BACE2: variants seen among roughly 807,000 people sequenced by gnomAD.
The protein encoded by BACE2 is beta-secretase 2.
Under a neutral mutation model 46.2 loss-of-function variants are expected in BACE2, and 17 were observed. The observed-to-expected ratio is 0.37, with a 90% CI of 0.25 to 0.55. The LOEUF (loss-of-function observed/expected upper bound fraction) is 0.55, where lower values mean the gene tolerates loss of function less well. Ranked by LOEUF, BACE2 falls within the 20% of genes least tolerant of loss-of-function variation. BACE2 has a pLI of 0.82. For synonymous variants in BACE2, 277 were observed against 295.9 expected, an observed-to-expected ratio of 0.94 and a Z score of 0.66; for missense variants, 595 against 698.1, an observed-to-expected ratio of 0.85 and a Z score of 1.66.
chr21:41,254,028 AC>A (rs1259880739), intron 7 of BACE2, among the ~76,000 whole-genome samples: 2 of 152,182 alleles, frequency 1.3e-5, no homozygotes, highest in African/African-American at 2.4e-5. Context: ...AGCCTTTCTA[AC>A]ACCAGGGGAA....
chr21:41,168,584 C>T lies in BACE2; in HGVS notation c.312+9C>T. The stretch of plus-strand genomic sequence containing the variant: ...GGACCCCCCCGCAGAAGGTAGGGAC[C>T]CCCGGCTGCTGCCGCGGGCTTTTCG... On this transcript the variant is annotated intron_variant, in intron 1 of 8. Coordinates refer to ENST00000330333, the MANE Select transcript of BACE2 (RefSeq NM_012105.5). 1.5e-6 allele frequency: 2 copies of T among 1,316,160 alleles called. No individual in the cohort carries two copies. 81.5% of individuals were successfully genotyped at this position (1,316,160 alleles called of 1,614,324 possible).
intron 8 of BACE2, among the ~76,000 whole-genome samples, chr21:41,270,900 A>G (rs1408823608): frequency 1.3e-5 from 2 of 152,198 alleles, no homozygotes; most frequent in Non-Finnish European, 2.9e-5. Flanking sequence ...AGAAACGGAT[A>G]TTGGAATCTC....
At chr21:41,210,279 GT>G (rs1405686057) in intron 1 of BACE2, among the ~76,000 whole-genome samples, 1 of 151,930 alleles carries the variant, frequency 6.6e-6, no homozygotes, top group African/African-American at 2.4e-5. Context: ...TAAAAACTTA[GT>G]TCTCAGCCAT....
chr21:41,190,331 C>G (rs542747489), intron 1 of BACE2, among the ~76,000 whole-genome samples: 7 of 152,314 alleles, frequency 4.6e-5, no homozygotes, highest in Non-Finnish European at 8.8e-5. Flanking sequence ...ACACCAGTCT[C>G]CAACCCAAAT....
chr21:41,255,947 T>C (rs1987775331), intron 7 of BACE2, among the ~76,000 whole-genome samples: 1 of 152,210 alleles, frequency 6.6e-6, no homozygotes, highest in Non-Finnish European at 1.5e-5. Flanking sequence ...TATTTTGAAA[T>C]TGCCCTGCAG....
chr21:41,268,499 C>G lies in BACE2; in HGVS notation c.1304-6872C>G, dbSNP rs73222298. On this transcript the variant is annotated intron_variant, in intron 8 of 8. Coordinates refer to ENST00000330333, the MANE Select transcript of BACE2 (RefSeq NM_012105.5). The stretch of plus-strand genomic sequence containing the variant: ...TCAGCTTTCGTCTAATCTTGAGCAG[C>G]TAGTTAGCAAATATGAGAATACAGT... 8.8e-3 allele frequency among the ~76,000 whole-genome samples: 1,341 copies of G among 152,306 alleles called. 8 individuals are homozygous for G. Among genetic ancestry groups the G allele is most frequent in the Admixed American group, 0.015 (222 of 15,296 alleles).
At chr21:41,208,779 C>T (rs1348000917) in intron 1 of BACE2, among the ~76,000 whole-genome samples, 2 of 152,134 alleles carry the variant, frequency 1.3e-5, no homozygotes, top group African/African-American at 4.8e-5. Flanking sequence ...GGTCACCCAT[C>T]ACTGAAAGAT....
intron 5 of BACE2, among the ~76,000 whole-genome samples, chr21:41,244,863 CTGTGTG>C (rs58015507): frequency 6.6e-6 from 1 of 150,510 alleles, no homozygotes; most frequent in Non-Finnish European, 1.5e-5. Context: ...TACAAAACCT[CTGTGTG>C]TGTGTGTGTG....
At chr21:41,242,032 A>G (rs1987308784) in intron 4 of BACE2, 85 bp downstream of exon 4, 1 of 1,565,678 alleles carries the variant, frequency 6.4e-7, no homozygotes, top group Admixed American at 1.8e-5. Flanking sequence ...CTGAGCAGAA[A>G]TATTAGGCAT....
At chr21:41,245,182 T>C (rs1987430796) in intron 5 of BACE2, among the ~76,000 whole-genome samples, 1 of 152,268 alleles carries the variant, frequency 6.6e-6, no homozygotes, top group Non-Finnish European at 1.5e-5. Flanking sequence ...CATTGGTATA[T>C]TTCATTTTCT....
chr21:41,249,314 C>G (rs1987569451), intron 6 of BACE2, among the ~76,000 whole-genome samples: 1 of 150,334 alleles, frequency 6.7e-6, no homozygotes, highest in Admixed American at 6.6e-5. Flanking sequence ...CCTCAGGGGA[C>G]TCAGGACTAG....
chr21:41,228,491 C>T (rs1986883311), intron 2 of BACE2, among the ~76,000 whole-genome samples: 1 of 152,204 alleles, frequency 6.6e-6, no homozygotes, highest in Non-Finnish European at 1.5e-5. Context: ...GTGCCAGGCT[C>T]TCAGGCTGCT....
Position 41,224,025 on chromosome 21 carries a change from G to T in BACE2, c.313-2241G>T, listed in dbSNP as rs566593206. Among the ~76,000 whole-genome samples, 14 of 152,176 alleles carry T rather than the reference G, an allele frequency of 9.2e-5. No homozygotes were observed. In the East Asian group the frequency reaches 2.7e-3, roughly 29 times the overall value. On this transcript the variant is annotated intron_variant, in intron 1 of 8. Transcript: ENST00000330333. ...AGGAGTCAGAGAAGGAGGAAATCAG[G>T]AAAGTGTGGGGCCCCGGGATCCAGA...
chr21:41,246,068 G>A lies in BACE2; in HGVS notation c.984+5G>A, dbSNP rs1987463304. ...GCTGTGGCCCGCGCATCTCTGGTGA[G>A]TCCTCGGGACACTCACGGGTCCCCG... On this transcript the variant is annotated splice_donor_5th_base_variant and intron_variant, in intron 6 of 8. Transcript: ENST00000330333. 6.3e-7 allele frequency: 1 copy of A among 1,593,164 alleles called. No homozygotes were observed. The highest frequency in any genetic ancestry group is 1.3e-5 in the African/African-American group (1 of 74,648).
At chr21:41,209,657 A>G (rs1986238406) in intron 1 of BACE2, among the ~76,000 whole-genome samples, 1 of 152,158 alleles carries the variant, frequency 6.6e-6, no homozygotes, top group Middle Eastern at 3.2e-3. Flanking sequence ...AACCCAGGGT[A>G]CAGACAAGGG....
At chr21:41,245,803 C>A (rs1987448288) in intron 5 of BACE2, among the ~76,000 whole-genome samples, 159 bp from the exon 6 acceptor site, 1 of 152,222 alleles carries the variant, frequency 6.6e-6, no homozygotes, top group Admixed American at 6.5e-5. Flanking sequence ...CCCCTGGTTC[C>A]CCAGTTCTGA....
At chr21:41,207,782 G>T (rs573416586) in intron 1 of BACE2, among the ~76,000 whole-genome samples, 1 of 152,194 alleles carries the variant, frequency 6.6e-6, no homozygotes. Flanking sequence ...GGCTGCTTAC[G>T]GCTGCTCCCC....
chr21:41,266,904 G>A (rs761108785), intron 8 of BACE2, among the ~76,000 whole-genome samples: 22 of 152,196 alleles, frequency 1.4e-4, no homozygotes, highest in Admixed American at 3.9e-4. Flanking sequence ...GTCACTGTTT[G>A]AGGACCCCAC....
intron 1 of BACE2, among the ~76,000 whole-genome samples, chr21:41,221,103 C>A (rs899524981): frequency 7.9e-5 from 12 of 151,138 alleles, no homozygotes; most frequent in South Asian, 2.1e-4. Flanking sequence ...TCACTTCAAA[C>A]CTTCATCCCC....
Sources: allele counts gnomAD v4.1 joint callset (sites outside exome capture counted in the v4.1 genomes callset), GRCh38; gene constraint gnomAD v4.1.1; transcripts MANE v1.5; gene names NCBI Gene and HGNC (gene_info 2026-07-23, HGNC 2026-07-21).